PACRG: variants seen among roughly 807,000 people sequenced by gnomAD.
PACRG encodes parkin coregulated gene protein.
In PACRG, 29 loss-of-function variants were observed where a neutral mutation model predicts 29.7. The ratio of observed to expected loss-of-function variants is 0.98; its 90% CI spans 0.73 to 1.33. The LOEUF (loss-of-function observed/expected upper bound fraction) is 1.33, where lower values mean the gene tolerates loss of function less well. PACRG is among the 40% of genes most tolerant of loss of function. The pLI, the probability that PACRG is intolerant of heterozygous loss-of-function variation, is 0.00. For missense variants in PACRG, 279 were observed against 316.2 expected (o/e 0.88, Z 0.89); for synonymous variants, 116 against 118.7 (o/e 0.98, Z 0.15).
intron 2 of PACRG, among the ~76,000 whole-genome samples, chr6:162,983,952 G>C (rs1347939985): frequency 6.6e-6 from 1 of 151,982 alleles, no homozygotes; most frequent in Admixed American, 6.6e-5. Flanking sequence ...ATTATTCTTA[G>C]GTTTACCTGT....
At chr6:163,068,097 A>T (rs1170337247) in intron 3 of PACRG, among the ~76,000 whole-genome samples, 1 of 152,166 alleles carries the variant, frequency 6.6e-6, no homozygotes, top group African/African-American at 2.4e-5. Context: ...TCTGGACCAC[A>T]TATTGTCTTG....
At chr6:162,999,280 C>T (rs1016373389) in intron 2 of PACRG, among the ~76,000 whole-genome samples, 17 of 152,186 alleles carry the variant, frequency 1.1e-4, no homozygotes, top group Non-Finnish European at 2.4e-4. Context: ...AGAACTATTA[C>T]GTTTCAGAAT....
In PACRG at chr6:162,760,673, A is replaced by G. The variant is rs181198014; in HGVS notation, c.156+32282A>G. The stretch of plus-strand genomic sequence containing the variant: ...TAGAGCTGAGATGGTAGGAACTGAG[A>G]TGAGATAGTGGGACGTTTAGAAAGT... On this transcript the variant is annotated intron_variant, in intron 1 of 4. Coordinates refer to ENST00000366888, the MANE Select transcript of PACRG (RefSeq NM_001080379.2). Among the ~76,000 whole-genome samples, 49 of 152,222 alleles carry G rather than the reference A, an allele frequency of 3.2e-4. 1 individual carries two copies. The highest frequency in any genetic ancestry group is 1.2e-3 in the South Asian group (6 of 4,820).
intron 4 of PACRG, chr6:163,189,368 T>A (rs1554382792): frequency 6.6e-6 from 1 of 152,170 alleles, no homozygotes; most frequent in South Asian, 2.1e-4. Flanking sequence ...CAGGACAATT[T>A]AAAAAAAGAG....
At chr6:162,970,593 T>G (rs1422468301) in intron 2 of PACRG, among the ~76,000 whole-genome samples, 1 of 152,188 alleles carries the variant, frequency 6.6e-6, no homozygotes, top group African/African-American at 2.4e-5. Flanking sequence ...CAAATAGATA[T>G]CAGATTAAGA....
chr6:163,103,171 T>C (rs755256524), intron 4 of PACRG, among the ~76,000 whole-genome samples: 1 of 152,212 alleles, frequency 6.6e-6, no homozygotes, highest in African/African-American at 2.4e-5. Flanking sequence ...GGGATCAAAG[T>C]GTCAGTTGCC....
At chr6:162,989,521 T>C (rs1803226016) in intron 2 of PACRG, among the ~76,000 whole-genome samples, 1 of 152,216 alleles carries the variant, frequency 6.6e-6, no homozygotes, top group African/African-American at 2.4e-5. Flanking sequence ...ATCTTGAGAT[T>C]ACTTATAATA....
intron 1 of PACRG, among the ~76,000 whole-genome samples, chr6:162,773,494 A>AT (rs71008110): frequency 0.019 from 1,286 of 66,008 alleles, 245 homozygotes; most frequent in African/African-American, 0.054. Context: ...ACAGCTTGTC[A>AT]TTTTTTTTTT....
At chr6:163,230,989 G>A (rs531292566) in intron 4 of PACRG, among the ~76,000 whole-genome samples, 2 of 152,366 alleles carry the variant, frequency 1.3e-5, no homozygotes, top group African/African-American at 2.4e-5. Flanking sequence ...GAGGAGAGAG[G>A]TCAAGGGTGC....
At chr6:163,218,973 A>G (rs1369168708) in intron 4 of PACRG, among the ~76,000 whole-genome samples, 1 of 152,180 alleles carries the variant, frequency 6.6e-6, no homozygotes, top group Non-Finnish European at 1.5e-5. Flanking sequence ...GACAGCCCCC[A>G]CTGCGCTTAC....
At chr6:162,846,952 C>T (rs1258260786) in intron 2 of PACRG, among the ~76,000 whole-genome samples, 2 of 147,710 alleles carry the variant, frequency 1.4e-5, no homozygotes, top group Admixed American at 6.8e-5. Context: ...CACTGACTGC[C>T]GTGCTCCTCA....
chr6:163,179,179 T>A, intron 4 of PACRG: 1 of 456,006 alleles, frequency 2.2e-6, no homozygotes, highest in Non-Finnish European at 4.4e-6. Flanking sequence ...CTCACACTGA[T>A]GTCCGCTGCT....
intron 1 of PACRG, among the ~76,000 whole-genome samples, chr6:162,788,010 A>G (rs1784645761): frequency 6.6e-6 from 1 of 152,090 alleles, no homozygotes; most frequent in African/African-American, 2.4e-5. Context: ...ACAACTGATG[A>G]ACCTGCACTG....
At chr6:163,065,335 C>T (rs1811440500) in intron 3 of PACRG, among the ~76,000 whole-genome samples, 1 of 152,070 alleles carries the variant, frequency 6.6e-6, no homozygotes, top group African/African-American at 2.4e-5. Context: ...TTGTCTGGAT[C>T]GGGGATTACA....
At chr6:162,782,061 A>T in intron 1 of PACRG, among the ~76,000 whole-genome samples, 1 of 151,890 alleles carries the variant, frequency 6.6e-6, no homozygotes. Context: ...GTTAAAATTT[A>T]CATGGAAAAA....
At chr6:163,311,299 A>G (rs1033101600) in intron 4 of PACRG, among the ~76,000 whole-genome samples, 1 of 152,178 alleles carries the variant, frequency 6.6e-6, no homozygotes, top group South Asian at 2.1e-4. Flanking sequence ...AATAAAATAT[A>G]TCTTTTCCAT....
At chr6:163,281,970 T>C (rs1362613142) in intron 4 of PACRG, among the ~76,000 whole-genome samples, 2 of 152,232 alleles carry the variant, frequency 1.3e-5, no homozygotes, top group Admixed American at 1.3e-4. Flanking sequence ...ATCAAGTTTT[T>C]CAAGAATCTT....
At chr6:163,176,295 A>C (rs34356374) in intron 4 of PACRG, among the ~76,000 whole-genome samples, 22,243 of 152,254 alleles carry the variant, frequency 0.15, 1,785 homozygotes, top group African/African-American at 0.22. Flanking sequence ...TTGCTTCAAC[A>C]ATAAAAATTG....
At chr6:162,871,780 T>C (rs967081390) in intron 2 of PACRG, among the ~76,000 whole-genome samples, 2 of 151,820 alleles carry the variant, frequency 1.3e-5, no homozygotes, top group Non-Finnish European at 2.9e-5. Flanking sequence ...TAGCTGGGCG[T>C]GGTAGCAGGC....
Sources: gnomAD v4.1 joint callset for allele counts (sites outside exome capture counted in the v4.1 genomes callset) on GRCh38, gnomAD v4.1.1 for gene constraint, MANE v1.5 for transcripts, NCBI Gene and HGNC (gene_info 2026-07-23, HGNC 2026-07-21) for gene names.